SCFD2: variants seen among roughly 807,000 people sequenced by gnomAD.
SCFD2 encodes sec1 family domain containing 2, also known as sec1 family domain-containing protein 2.
SCFD2 carries 54 observed loss-of-function variants against 58.9 expected under a neutral mutation model. The ratio of observed to expected loss-of-function variants is 0.92; its 90% CI spans 0.74 to 1.15. The LOEUF (loss-of-function observed/expected upper bound fraction) is 1.15, where lower values mean the gene tolerates loss of function less well. SCFD2 is among the 50% of genes most tolerant of loss of function. The probability of loss-of-function intolerance (pLI) is 0.00; values close to 1 mark genes in which losing one functional copy is unlikely to be tolerated. For missense variants in SCFD2, 805 were observed against 836.6 expected (o/e 0.96, Z 0.47); for synonymous variants, 321 against 335.9 (o/e 0.96, Z 0.49).
chr4:53,138,284 A>G (rs1323437535), intron 5 of SCFD2, among the ~76,000 whole-genome samples: 1 of 152,244 alleles, frequency 6.6e-6, no homozygotes, highest in African/African-American at 2.4e-5. Flanking sequence ...CACTGCTGAA[A>G]GACAGCAGAG....
At chr4:53,109,045 T>C (rs1725090183) in intron 5 of SCFD2, among the ~76,000 whole-genome samples, 1 of 152,206 alleles carries the variant, frequency 6.6e-6, no homozygotes, top group Non-Finnish European at 1.5e-5. Flanking sequence ...ATACCTGGGA[T>C]GCAAGACTGG....
intron 4 of SCFD2, among the ~76,000 whole-genome samples, chr4:53,223,187 C>CT (rs1235319098): frequency 1.4e-4 from 22 of 152,168 alleles, no homozygotes; most frequent in African/African-American, 4.1e-4. Context: ...CAATTCTTCT[C>CT]TTTTTTTAGT....
chr4:53,349,076 G>A (rs17705869), intron 2 of SCFD2, among the ~76,000 whole-genome samples: 107,170 of 151,932 alleles, frequency 0.71, 37,985 homozygotes, highest in Middle Eastern at 0.79. Context: ...GAAAAGGACA[G>A]CGAATGAAGG....
chr4:53,286,985 T>C (rs1362091712), intron 3 of SCFD2, among the ~76,000 whole-genome samples: 1 of 152,070 alleles, frequency 6.6e-6, no homozygotes, highest in African/African-American at 2.4e-5. Flanking sequence ...GGAATCCAAA[T>C]TTCAGCTGTG....
rs989651439 is a variant in SCFD2, at chr4:53,282,675, C to A, written c.1136-8674G>T. On this transcript the variant is annotated intron_variant, in intron 3 of 8. Transcript: ENST00000401642. ...TATACATAATAGAATTTCAGCTGAA[C>A]AAAATTTCCAGCTAAAAGACGTAAC... 4.5e-4 allele frequency among the ~76,000 whole-genome samples: 68 copies of A among 151,852 alleles called. 1 individual carries two copies. Among genetic ancestry groups the A allele is most frequent in the Admixed American group, 3.9e-4 (6 of 15,264 alleles).
intron 5 of SCFD2, among the ~76,000 whole-genome samples, chr4:53,117,806 A>G (rs1725367585): frequency 6.6e-6 from 1 of 151,924 alleles, no homozygotes; most frequent in African/African-American, 2.4e-5. Context: ...ATGCAATTTT[A>G]TATAAATAGA....
chr4:53,089,586 C>G (rs1724413443), intron 5 of SCFD2, among the ~76,000 whole-genome samples: 1 of 152,058 alleles, frequency 6.6e-6, no homozygotes, highest in African/African-American at 2.4e-5. Context: ...AGACAAATAA[C>G]TATAAAGTAG....
intron 5 of SCFD2, among the ~76,000 whole-genome samples, chr4:53,057,391 GGGAAAA>G (rs1723375080): frequency 6.6e-6 from 1 of 152,126 alleles, no homozygotes; most frequent in Non-Finnish European, 1.5e-5. Flanking sequence ...AATATGGAAA[GGGAAAA>G]AGCTGGAAAG....
intron 7 of SCFD2, among the ~76,000 whole-genome samples, chr4:52,903,340 C>T (rs1332892375): frequency 6.6e-6 from 1 of 152,126 alleles, no homozygotes; most frequent in African/African-American, 2.4e-5. Flanking sequence ...ACCAGCTTTG[C>T]CTTGCTTAGT....
chr4:52,961,307 G>T (rs573167094), intron 5 of SCFD2, among the ~76,000 whole-genome samples: 2 of 152,086 alleles, frequency 1.3e-5, no homozygotes, highest in Non-Finnish European at 2.9e-5. Context: ...ATGTAATCCC[G>T]AAGCTACTGG....
chr4:52,956,079 T>C, intron 5 of SCFD2: 1 of 456,562 alleles, frequency 2.2e-6, no homozygotes, highest in Non-Finnish European at 4.4e-6. Flanking sequence ...CCTCCCAGCT[T>C]GAGGTCTCTG....
chr4:52,899,088 C>A (rs1181004477), intron 7 of SCFD2, among the ~76,000 whole-genome samples: 9 of 152,128 alleles, frequency 5.9e-5, no homozygotes, highest in Admixed American at 5.9e-4. Context: ...ACTGATGGGT[C>A]TTGACTCTTT....
intron 4 of SCFD2, among the ~76,000 whole-genome samples, chr4:53,245,748 T>A (rs1465687142): frequency 6.6e-6 from 1 of 152,162 alleles, no homozygotes; most frequent in Admixed American, 6.5e-5. Flanking sequence ...AACATCATAC[T>A]GAATGGGCAA....
chr4:53,262,900 CG>C (rs1730869541), intron 4 of SCFD2, among the ~76,000 whole-genome samples: 1 of 152,086 alleles, frequency 6.6e-6, no homozygotes, highest in Non-Finnish European at 1.5e-5. Context: ...ATCTTAGGTT[CG>C]GATGCTTAAC....
intron 5 of SCFD2, among the ~76,000 whole-genome samples, chr4:53,064,172 C>T (rs905169100): frequency 4.6e-5 from 7 of 151,960 alleles, no homozygotes; most frequent in African/African-American, 1.7e-4. Flanking sequence ...AGGTTTGTTA[C>T]ATGGGTATGT....
chr4:53,272,712 G>T (rs7436076), intron 4 of SCFD2, among the ~76,000 whole-genome samples: 1 of 147,530 alleles, frequency 6.8e-6, no homozygotes. Context: ...GGGGTGGGGG[G>T]AAGGGGAGAG....
At chr4:53,159,100 C>T (rs1726776560) in intron 4 of SCFD2, among the ~76,000 whole-genome samples, 2 of 152,144 alleles carry the variant, frequency 1.3e-5, no homozygotes, top group African/African-American at 4.8e-5. Context: ...CTAATCCCAT[C>T]TCCAGGACCT....
chr4:53,156,410 A>G (rs539185928), intron 4 of SCFD2, among the ~76,000 whole-genome samples: 4 of 150,466 alleles, frequency 2.7e-5, no homozygotes, highest in African/African-American at 4.9e-5. Flanking sequence ...AAAAAAAAAA[A>G]AAAAGAAAAG....
intron 5 of SCFD2, among the ~76,000 whole-genome samples, chr4:53,123,598 C>T (rs540513147): frequency 7.9e-5 from 12 of 152,182 alleles, no homozygotes; most frequent in African/African-American, 2.6e-4. Flanking sequence ...AGGTGATGCT[C>T]GTTGATGCCC....
Sources: gnomAD v4.1 joint callset for allele counts (sites outside exome capture counted in the v4.1 genomes callset) on GRCh38, gnomAD v4.1.1 for gene constraint, MANE v1.5 for transcripts, NCBI Gene and HGNC (gene_info 2026-07-23, HGNC 2026-07-21) for gene names.